The following TDRD3 variants were observed in gnomAD, a reference collection of about 807,000 sequenced individuals.
The protein encoded by TDRD3 is tudor domain-containing protein 3.
In TDRD3, 45 loss-of-function variants were observed where a neutral mutation model predicts 86.7. That is an observed-to-expected ratio of 0.52 (90% CI 0.41 to 0.67). The LOEUF is 0.67. TDRD3 is among the 30% of genes least tolerant of loss of function. The pLI is 0.00. For missense variants in TDRD3, 814 were observed against 889.0 expected (o/e 0.92, Z 1.07); for synonymous variants, 298 against 301.7 (o/e 0.99, Z 0.13).
chr13:60,551,141 G>A (rs1487086849), intron 12 of TDRD3, among the ~76,000 whole-genome samples: 1 of 152,172 alleles, frequency 6.6e-6, no homozygotes, highest in Non-Finnish European at 1.5e-5. Context: ...AGAGTTTAAT[G>A]TGGTCAGTCT....
intron 8 of TDRD3, among the ~76,000 whole-genome samples, chr13:60,505,254 G>A (rs1434520340): frequency 1.3e-5 from 2 of 152,168 alleles, no homozygotes; most frequent in Non-Finnish European, 1.5e-5. Flanking sequence ...CTTGGTTGGG[G>A]AGAGGGGTGT....
intron 4 of TDRD3, among the ~76,000 whole-genome samples, chr13:60,466,150 C>T (rs753704037): frequency 6.6e-6 from 1 of 151,616 alleles, no homozygotes; most frequent in African/African-American, 2.4e-5. Context: ...AAATAACTTT[C>T]ATTTGATCTT....
At chr13:60,465,236 C>T (rs773852552) in intron 4 of TDRD3, among the ~76,000 whole-genome samples, 1 of 152,126 alleles carries the variant, frequency 6.6e-6, no homozygotes, top group Non-Finnish European at 1.5e-5. Flanking sequence ...TTAGCAATTT[C>T]TTTGGAGGTA....
chr13:60,415,681 T>C (rs1227233400), intron 1 of TDRD3, among the ~76,000 whole-genome samples: 1 of 152,150 alleles, frequency 6.6e-6, no homozygotes, highest in African/African-American at 2.4e-5. Context: ...TAAAATTGCT[T>C]TCTTTTCTCA....
Position 60,515,512 on chromosome 13 carries a change from G to A in TDRD3, c.1141+4757G>A, listed in dbSNP as rs1957149061. 2.0e-5 allele frequency among the ~76,000 whole-genome samples: 3 copies of A among 152,240 alleles called. No homozygotes were observed. In the South Asian group the frequency reaches 6.2e-4, roughly 32 times the overall value. ...TATATGGAAGATTATTTTGCCTGTA[G>A]CTATTTCTTATATTCTCTTGGTTCT... On this transcript the variant is annotated intron_variant, in intron 10 of 13. Coordinates refer to ENST00000377881, the MANE Select transcript of TDRD3 (RefSeq NM_001146070.2).
chr13:60,397,136 G>T (rs1246538229), upstream of TDRD3: 7 of 386,978 alleles, frequency 1.8e-5, no homozygotes, highest in East Asian at 1.1e-4. Flanking sequence ...GAGCTCCGCA[G>T]CCTGGGAGCC....
intron 1 of TDRD3, among the ~76,000 whole-genome samples, chr13:60,399,364 C>G (rs1431706189): frequency 2.0e-5 from 3 of 152,186 alleles, no homozygotes; most frequent in African/African-American, 7.2e-5. Flanking sequence ...GTCTGTGCTG[C>G]TTCTGTATGG....
intron 10 of TDRD3, among the ~76,000 whole-genome samples, chr13:60,525,318 G>C (rs925777093): frequency 1.3e-5 from 2 of 150,270 alleles, no homozygotes; most frequent in African/African-American, 2.4e-5. Context: ...GGATTACAGG[G>C]CCGCGCCACC....
At chr13:60,398,536 T>C (rs556073325) in intron 1 of TDRD3, among the ~76,000 whole-genome samples, 3 of 152,166 alleles carry the variant, frequency 2.0e-5, no homozygotes, top group African/African-American at 7.2e-5. Flanking sequence ...GTGAATAAAG[T>C]TTTTGATCAG....
intron 6 of TDRD3, among the ~76,000 whole-genome samples, chr13:60,484,298 A>C (rs1374612248): frequency 1.3e-5 from 2 of 152,124 alleles, no homozygotes; most frequent in Non-Finnish European, 2.9e-5. Context: ...TTCAGCATCA[A>C]ATTGATTCTC....
At chr13:60,408,108 T>G (rs1309010439) in intron 1 of TDRD3, among the ~76,000 whole-genome samples, 1 of 152,100 alleles carries the variant, frequency 6.6e-6, no homozygotes. Flanking sequence ...CAAATAAGTC[T>G]CAGGAGGTCT....
chr13:60,552,903 C>G (rs138630360), intron 12 of TDRD3, among the ~76,000 whole-genome samples: 39 of 152,344 alleles, frequency 2.6e-4, no homozygotes, highest in African/African-American at 9.1e-4. Context: ...ATACAGGACA[C>G]CAAGTTCTGG....
intron 1 of TDRD3, among the ~76,000 whole-genome samples, chr13:60,423,321 A>G (rs1451333362): frequency 6.6e-6 from 1 of 152,168 alleles, no homozygotes; most frequent in Non-Finnish European, 1.5e-5. Flanking sequence ...ATACATAGAA[A>G]CATACCAGTA....
chr13:60,567,768 G>T lies in TDRD3; in HGVS notation c.*9+118G>T. ...GACGAAGTTTCACTCTTGTTGCCCA[G>T]GCTGGAGTGCAGTGGCGTGATCTCG... On this transcript the variant is annotated intron_variant, in intron 13 of 13. Transcript: ENST00000377881. 3.0e-6 allele frequency: 4 copies of T among 1,337,850 alleles called. No individual in the cohort carries two copies. In the South Asian group the frequency reaches 4.3e-5, roughly 14 times the overall value. 82.9% of individuals were successfully genotyped at this position (1,337,850 alleles called of 1,614,324 possible).
chr13:60,433,862 C>G (rs941663901), intron 1 of TDRD3, among the ~76,000 whole-genome samples: 4 of 152,192 alleles, frequency 2.6e-5, no homozygotes, highest in Admixed American at 6.5e-5. Context: ...AAGTTAGATT[C>G]ACCGATTTTA....
At chr13:60,455,752 C>A (rs766370508) in intron 3 of TDRD3, among the ~76,000 whole-genome samples, 2 of 151,920 alleles carry the variant, frequency 1.3e-5, no homozygotes, top group Non-Finnish European at 2.9e-5. Flanking sequence ...TGAGAAATTT[C>A]TTTCTCAAGA....
chr13:60,561,179 GT>G (rs1408040752), intron 12 of TDRD3, among the ~76,000 whole-genome samples: 3 of 151,964 alleles, frequency 2.0e-5, no homozygotes, highest in Non-Finnish European at 4.4e-5. Flanking sequence ...AAACCCGAGG[GT>G]TTTTTTCAAT....
At chr13:60,453,828 C>T (rs1418347174) in intron 3 of TDRD3, among the ~76,000 whole-genome samples, 2 of 152,130 alleles carry the variant, frequency 1.3e-5, no homozygotes, top group Non-Finnish European at 2.9e-5. Flanking sequence ...TTTCTATTGG[C>T]CTGCTTTGCT....
At chr13:60,413,459 A>C (rs1347780162) in intron 1 of TDRD3, among the ~76,000 whole-genome samples, 1 of 152,180 alleles carries the variant, frequency 6.6e-6, no homozygotes, top group African/African-American at 2.4e-5. Flanking sequence ...TTAACTGCTC[A>C]TGTCTCAGTT....
Sources: gnomAD v4.1 joint callset for allele counts (sites outside exome capture counted in the v4.1 genomes callset) on GRCh38, gnomAD v4.1.1 for gene constraint, MANE v1.5 for transcripts, NCBI Gene and HGNC (gene_info 2026-07-23, HGNC 2026-07-21) for gene names.